The following RNF212B variants were observed in gnomAD, a reference collection of about 807,000 sequenced individuals.
RNF212B encodes E3 ubiquitin-protein ligase RNF212B.
RNF212B carries 52 observed loss-of-function variants against 55.5 expected under a neutral mutation model. That is an observed-to-expected ratio of 0.94 (90% confidence interval 0.75 to 1.18). The LOEUF (loss-of-function observed/expected upper bound fraction) is 1.18. Ranked by LOEUF, RNF212B falls within the 50% of genes most tolerant of loss-of-function variation. The pLI, the probability that RNF212B is intolerant of heterozygous loss-of-function variation, is 0.00. For missense variants in RNF212B, 289 were observed against 350.4 expected, an observed-to-expected ratio of 0.82 and a Z score of 1.40; for synonymous variants, 99 against 121.4, an observed-to-expected ratio of 0.82 and a Z score of 1.21.
At chr14:23,224,346 A>C (rs188631143) in intron 2 of RNF212B, among the ~76,000 whole-genome samples, 1 of 152,342 alleles carries the variant, frequency 6.6e-6, no homozygotes, top group East Asian at 1.9e-4. Flanking sequence ...ATCTGACTTC[A>C]AATTATACTG....
intron 2 of RNF212B, among the ~76,000 whole-genome samples, chr14:23,197,254 C>A (rs1878808167): frequency 6.6e-6 from 1 of 152,234 alleles, no homozygotes; most frequent in African/African-American, 2.4e-5. Flanking sequence ...AGGCCAGGCA[C>A]TGTGGCTCAC....
intron 3 of RNF212B, among the ~76,000 whole-genome samples, chr14:23,243,652 C>T (rs1026572542): frequency 7.0e-6 from 1 of 143,522 alleles, no homozygotes; most frequent in Non-Finnish European, 1.5e-5. Flanking sequence ...GCTGAGCTCG[C>T]GCCACTGCAC....
intron 2 of RNF212B, among the ~76,000 whole-genome samples, chr14:23,229,047 A>G (rs1882291224): frequency 6.6e-6 from 1 of 151,506 alleles, no homozygotes; most frequent in Admixed American, 6.6e-5. Flanking sequence ...GTTCCTGCTA[A>G]CCTCTAATCT....
At chr14:23,214,859 C>T (rs75723791) in intron 2 of RNF212B, among the ~76,000 whole-genome samples, 3,199 of 152,070 alleles carry the variant, frequency 0.021, 104 homozygotes, top group African/African-American at 0.072. Context: ...AATAAGGCCA[C>T]AAATTCAAAA....
chr14:23,247,235 T>C (rs961993007), intron 4 of RNF212B, among the ~76,000 whole-genome samples: 2 of 152,198 alleles, frequency 1.3e-5, no homozygotes, highest in African/African-American at 4.8e-5. Context: ...CCTTCTTTTT[T>C]AATAACAGCT....
chr14:23,199,302 A>G (rs1170738133), intron 2 of RNF212B, among the ~76,000 whole-genome samples: 2 of 152,178 alleles, frequency 1.3e-5, no homozygotes, highest in Non-Finnish European at 2.9e-5. Context: ...TGAAGTGGGG[A>G]GGAGGCTTCC....
intron 1 of RNF212B, chr14:23,188,321 G>T (rs1417231626): frequency 6.6e-6 from 1 of 152,140 alleles, no homozygotes; most frequent in African/African-American, 2.4e-5. Context: ...GCATTTTCTT[G>T]ATTCTTTTGC....
intron 2 of RNF212B, among the ~76,000 whole-genome samples, chr14:23,208,889 G>C (rs55951877): frequency 0.3 from 44,738 of 148,588 alleles, 7,632 homozygotes; most frequent in African/African-American, 0.46. Flanking sequence ...CCCCTGAGTA[G>C]TTGGGACTAC....
intron 2 of RNF212B, among the ~76,000 whole-genome samples, chr14:23,195,656 G>T (rs949039003): frequency 1.3e-5 from 2 of 152,054 alleles, no homozygotes; most frequent in Non-Finnish European, 2.9e-5. Context: ...GTGCTCTCCC[G>T]ACAGCACATC....
chr14:23,264,176 G>C lies in RNF212B; in HGVS notation c.527G>C (p.Arg176Pro). Residue 176 changes from arginine (R) to proline (P), a missense_variant and splice_region_variant, in exon 10 of 15, where the codon CGG (arginine) becomes CCG (proline). Transcript: ENST00000430154. ...TCTTTTTGTTTCACCTTATACAGTC[G>C]GTCCTCCTCAGCGGAATCTATTCCT... ...SFQHSSQVVS[R>P]SSSAESIPYR... 1 of 1,548,288 alleles carries C rather than the reference G, an allele frequency of 6.5e-7. No homozygotes were observed. Among genetic ancestry groups the C allele is most frequent in the South Asian group, 1.2e-5 (1 of 83,890 alleles).
intron 2 of RNF212B, among the ~76,000 whole-genome samples, chr14:23,212,277 C>A (rs1880598463): frequency 6.6e-6 from 1 of 152,128 alleles, no homozygotes; most frequent in Non-Finnish European, 1.5e-5. Flanking sequence ...ATGGCTATGG[C>A]CACTGCAGTT....
At chr14:23,249,282 G>A (rs990816429) in intron 4 of RNF212B, among the ~76,000 whole-genome samples, 2 of 152,226 alleles carry the variant, frequency 1.3e-5, no homozygotes, top group Admixed American at 1.3e-4. Flanking sequence ...CAGTGGGCCA[G>A]GCGCAGTGGT....
At chr14:23,236,518 AAAC>A (rs374729877), upstream of RNF212B, among the ~76,000 whole-genome samples, 38 of 152,200 alleles carry the variant, frequency 2.5e-4, no homozygotes, top group African/African-American at 7.2e-4. Flanking sequence ...CTGCTTCAAA[AAAC>A]AACAACAACA....
At chr14:23,209,740 C>T in intron 2 of RNF212B, among the ~76,000 whole-genome samples, 1 of 141,278 alleles carries the variant, frequency 7.1e-6, no homozygotes, top group East Asian at 2.1e-4. Flanking sequence ...GTGGAGAAAC[C>T]TGGCAACCAC....
At position 23,258,602 on chromosome 14, in the gene RNF212B, T is replaced by C. The variant is rs1484978608; in HGVS notation, c.282T>C (p.His94=). 3 of 1,543,500 alleles carry C rather than the reference T, an allele frequency of 1.9e-6. No homozygotes were observed. Among genetic ancestry groups the C allele is most frequent in the South Asian group, 1.2e-5 (1 of 83,314 alleles). The change falls in exon 5 of 15, where the codon CAT becomes CAC. Residue 94 remains histidine, a synonymous_variant. Transcript: ENST00000430154. The part of the protein sequence containing the change: ...QTDLLIAFYK[H]RITKLETAMQ... ...ATCTCCTCATCGCCTTTTATAAGCA[T>C]AGAATTACAAAGTTAGAAACAGCCA...
chr14:23,248,480 C>T (rs1381137421), intron 4 of RNF212B, among the ~76,000 whole-genome samples: 1 of 136,048 alleles, frequency 7.4e-6, no homozygotes, highest in Non-Finnish European at 1.6e-5. Flanking sequence ...CTTGCTCTGT[C>T]GCCCAGACTG....
At position 23,269,834 on chromosome 14, in the gene RNF212B, C is replaced by T. The variant is rs1885946362; in HGVS notation, c.675-29C>T. The T allele has an allele frequency of 3.2e-6, 4 of 1,259,000 alleles. No homozygotes were observed. In the South Asian group the frequency reaches 5.1e-5, roughly 16 times the overall value. The allele number at this position is 1,259,000 out of a possible 1,614,324, so 78.0% of individuals were successfully genotyped here. ...TTTTTACCTTTACCTGTCCTTTTCT[C>T]TGCTGATGCTTTTATTTGCTTTCCT... On this transcript the variant is annotated intron_variant, in intron 12 of 14. Coordinates refer to ENST00000430154, the MANE Select transcript of RNF212B (RefSeq NM_001282322.3).
At chr14:23,260,535 C>T in intron 6 of RNF212B, 124 bp from the exon 7 acceptor site, 1 of 819,362 alleles carries the variant, frequency 1.2e-6, no homozygotes, top group Non-Finnish European at 2.0e-6. Context: ...TTTCCTCCTA[C>T]TGGGAGTCTT....
chr14:23,219,008 G>A (rs1410560899), intron 2 of RNF212B, among the ~76,000 whole-genome samples: 1 of 152,208 alleles, frequency 6.6e-6, no homozygotes, highest in Non-Finnish European at 1.5e-5. Context: ...ACTTTTCAGT[G>A]AAGACTTACA....
Sources: allele counts gnomAD v4.1 joint callset (sites outside exome capture counted in the v4.1 genomes callset), GRCh38; gene constraint gnomAD v4.1.1; transcripts MANE v1.5; gene names NCBI Gene and HGNC (gene_info 2026-07-23, HGNC 2026-07-21).